The following SHISA6 variants were observed in gnomAD, a reference collection of about 807,000 sequenced individuals.
The protein encoded by SHISA6 is protein shisa-6.
SHISA6 carries 22 observed loss-of-function variants against 47.9 expected under a neutral mutation model. That is an observed-to-expected ratio of 0.46 (90% confidence interval 0.33 to 0.66). SHISA6 has a LOEUF of 0.66. SHISA6 is among the 30% of genes least tolerant of loss of function. The pLI is 0.02. For synonymous variants in SHISA6, 388 were observed against 337.8 expected, an observed-to-expected ratio of 1.15 and a Z score of -1.63; for missense variants, 680 against 764.6, an observed-to-expected ratio of 0.89 and a Z score of 1.30.
chr17:11,403,916 A>G (rs1913859911), intron 3 of SHISA6, among the ~76,000 whole-genome samples: 2 of 152,328 alleles, frequency 1.3e-5, no homozygotes, highest in Non-Finnish European at 2.9e-5. Context: ...ACTCAGGAAC[A>G]CAGTTGCTTG....
rs757126443 is a variant in SHISA6, at chr17:11,555,778, G to A, written c.991G>A (p.Glu331Lys). The stretch of plus-strand genomic sequence containing the variant: ...GAACAACATCCTGACATCAGCCACC[G>A]AGCCCTATGACCTCTCCTTCTCCCG... ...RMNNILTSAT[E>K]PYDLSFSRSF... The change falls in exon 5 of 6, where the codon GAG becomes AAG. Residue 331 changes from glutamate (E) to lysine (K), a missense_variant. By Grantham distance (56) the Glu-to-Lys change is moderately conservative (BLOSUM62 1). This residue lies in a region of SHISA6 where 559 missense variants were observed against 674.1 expected (regional missense o/e 0.83). Coordinates refer to ENST00000441885, the MANE Select transcript of SHISA6 (RefSeq NM_207386.4). 1.7e-5 allele frequency: 26 copies of A among 1,549,860 alleles called. No homozygotes were observed. Among genetic ancestry groups the A allele is most frequent in the East Asian group, 7.4e-5 (3 of 40,714 alleles).
intron 3 of SHISA6, among the ~76,000 whole-genome samples, chr17:11,406,126 G>T (rs1333757219): frequency 6.6e-6 from 1 of 152,132 alleles, no homozygotes; most frequent in African/African-American, 2.4e-5. Flanking sequence ...ATGGCTTCTT[G>T]GCTTCTCTGT....
chr17:11,278,112 T>C (rs185461549), intron 2 of SHISA6, among the ~76,000 whole-genome samples: 53 of 152,286 alleles, frequency 3.5e-4, no homozygotes, highest in Non-Finnish European at 6.6e-4. Flanking sequence ...AGTGAGCTGC[T>C]GTGGCTGTCC....
intron 3 of SHISA6, among the ~76,000 whole-genome samples, chr17:11,499,792 TC>T (rs2071437170): frequency 6.6e-6 from 1 of 151,588 alleles, no homozygotes; most frequent in South Asian, 2.1e-4. Context: ...ACCTCCGCCT[TC>T]CAGGTTCAAG....
intron 2 of SHISA6, among the ~76,000 whole-genome samples, chr17:11,352,406 G>T (rs1384928327): frequency 2.0e-5 from 3 of 152,196 alleles, no homozygotes; most frequent in Admixed American, 2.0e-4. Context: ...TGGTAATTAG[G>T]CAGTCACTAG....
At chr17:11,304,857 G>A (rs1448004408) in intron 2 of SHISA6, among the ~76,000 whole-genome samples, 1 of 152,154 alleles carries the variant, frequency 6.6e-6, no homozygotes, top group Non-Finnish European at 1.5e-5. Context: ...TTGGCCACTT[G>A]TAAGAGACCT....
chr17:11,520,064 C>CAT (rs34806349), intron 3 of SHISA6, among the ~76,000 whole-genome samples: 81,223 of 151,684 alleles, frequency 0.54, 21,850 homozygotes, highest in Admixed American at 0.6. Flanking sequence ...CATCTAGTCT[C>CAT]AGTTTTAAAT....
intron 2 of SHISA6, among the ~76,000 whole-genome samples, chr17:11,306,535 C>T (rs887316518): frequency 6.6e-6 from 1 of 152,156 alleles, no homozygotes; most frequent in Admixed American, 6.5e-5. Flanking sequence ...TGTATTCATC[C>T]TTGGGGTCTT....
At chr17:11,419,379 CAAG>C (rs1914387309) in intron 3 of SHISA6, among the ~76,000 whole-genome samples, 1 of 151,380 alleles carries the variant, frequency 6.6e-6, no homozygotes, top group Non-Finnish European at 1.5e-5. Flanking sequence ...CTAGGTTTAA[CAAG>C]AAGAAAGGAC....
chr17:11,523,116 A>T (rs987488974), intron 3 of SHISA6, among the ~76,000 whole-genome samples: 3 of 152,230 alleles, frequency 2.0e-5, no homozygotes, highest in Non-Finnish European at 2.9e-5. Flanking sequence ...CTCTAAAAAA[A>T]TCCCATGGTA....
At chr17:11,531,616 A>C (rs138438080) in intron 3 of SHISA6, among the ~76,000 whole-genome samples, 1,591 of 152,272 alleles carry the variant, frequency 0.01, 41 homozygotes, top group African/African-American at 0.036. Context: ...GTTGCTATAA[A>C]GATTAAATAC....
chr17:11,335,159 A>G (rs529993298), intron 2 of SHISA6, among the ~76,000 whole-genome samples: 4 of 152,308 alleles, frequency 2.6e-5, no homozygotes, highest in African/African-American at 9.6e-5. Context: ...TCCTGTCACA[A>G]AGATACTCGC....
chr17:11,277,274 TCTCTCTCACACACACA>T (rs1177878651), intron 2 of SHISA6, among the ~76,000 whole-genome samples: 16 of 64,760 alleles, frequency 2.5e-4, no homozygotes, highest in African/African-American at 6.6e-4. Context: ...TCTCTCTCTC[TCTCTCTCACACACACA>T]CACACACACA....
At chr17:11,401,765 C>T (rs562515084) in intron 3 of SHISA6, among the ~76,000 whole-genome samples, 9 of 152,306 alleles carry the variant, frequency 5.9e-5, no homozygotes, top group East Asian at 1.9e-4. Flanking sequence ...TTTATACTAA[C>T]GGAGGTTCTG....
At position 11,439,337 on chromosome 17, in the gene SHISA6, G is replaced by A. The variant is rs535455894; in HGVS notation, c.895+59828G>A. ...TAGAATAACGTACATCTACGGGTGG[G>A]GGGCAGTTGTCACAGGGGCCAGCCT... On this transcript the variant is annotated intron_variant, in intron 3 of 5. Transcript: ENST00000441885. Among the ~76,000 whole-genome samples, 13 of 152,264 alleles carry A rather than the reference G, an allele frequency of 8.5e-5. No homozygotes were observed. The South Asian group carries it at 2.7e-3, about 32-fold the overall frequency.
chr17:11,304,454 C>G (rs1046672752), intron 2 of SHISA6, among the ~76,000 whole-genome samples: 2 of 150,838 alleles, frequency 1.3e-5, no homozygotes, highest in African/African-American at 4.9e-5. Flanking sequence ...GGAATGATGC[C>G]TGGGATGCCT....
rs192461641 is a variant in SHISA6, at chr17:11,292,957, G to A, written c.799+29431G>A. Among the ~76,000 whole-genome samples, 740 of 150,532 alleles carry A rather than the reference G, an allele frequency of 4.9e-3. 7 individuals carry two copies. Among genetic ancestry groups the A allele is most frequent in the African/African-American group, 0.017 (689 of 40,966 alleles). ...CTCCTGCCTCAGCCTCCGGAGTAGC[G>A]GGGATTACAGGCGCCCACCGCCACA... On this transcript the variant is annotated intron_variant, in intron 2 of 5. Transcript: ENST00000441885.
intron 2 of SHISA6, among the ~76,000 whole-genome samples, chr17:11,277,734 G>C (rs923510262): frequency 2.0e-5 from 3 of 152,110 alleles, no homozygotes; most frequent in Non-Finnish European, 4.4e-5. Context: ...CAGGCAACCA[G>C]ATTCCTTCTA....
At position 11,555,877 on chromosome 17, in the gene SHISA6, T is replaced by A; in HGVS notation, c.1090T>A (p.Ser364Thr). The A allele has an allele frequency of 6.5e-7, 1 of 1,542,684 alleles. No individual in the cohort carries two copies. Reference protein sequence around the residue: ...AVKTNPSKYSSLKRLTDKEAD... With the variant: ...AVKTNPSKYSTLKRLTDKEAD... ...AAAGACCAACCCCAGCAAGTATTCA[T>A]CTCTGAAGAGGCTAAGTAAGTTGAA... Residue 364 changes from serine to threonine, a missense_variant, in exon 5 of 6, where the codon TCT (serine) becomes ACT (threonine). This residue lies in a region of SHISA6 where 559 missense variants were observed against 674.1 expected (regional missense o/e 0.83). Coordinates refer to ENST00000441885, the MANE Select transcript of SHISA6 (RefSeq NM_207386.4).
Sources: gnomAD v4.1 joint callset for allele counts (sites outside exome capture counted in the v4.1 genomes callset) on GRCh38, gnomAD v4.1.1 for gene constraint, gnomAD v4.1.1 regional missense constraint, MANE v1.5 for transcripts, NCBI Gene and HGNC (gene_info 2026-07-23, HGNC 2026-07-21) for gene names.